Variants in PTPRD observed in about 807,000 individuals in gnomAD.
The protein encoded by PTPRD is receptor-type tyrosine-protein phosphatase delta.
A neutral mutation model predicts 214.5 loss-of-function variants in PTPRD; 34 were observed. The ratio of observed to expected loss-of-function variants is 0.16; its 90% CI spans 0.12 to 0.21. PTPRD has a LOEUF of 0.21. Ranked by LOEUF, PTPRD falls within the 10% of genes least tolerant of loss-of-function variation. The probability of loss-of-function intolerance (pLI) is 1.00; values close to 1 mark genes in which losing one functional copy is unlikely to be tolerated. For synonymous variants in PTPRD, 1,128 were observed against 845.7 expected (o/e 1.33, Z -5.79); for missense variants, 2,545 against 2,398.7 (o/e 1.06, Z -1.27).
intron 3 of PTPRD, among the ~76,000 whole-genome samples, chr9:10,118,945 G>A (rs2098753087): frequency 6.6e-6 from 1 of 151,488 alleles, no homozygotes; most frequent in Non-Finnish European, 1.5e-5. Flanking sequence ...GCTTGAAAGA[G>A]ATACATAGAA....
intron 2 of PTPRD, among the ~76,000 whole-genome samples, chr9:10,400,696 C>A (rs2098255396): frequency 1.3e-5 from 2 of 150,336 alleles, no homozygotes; most frequent in South Asian, 4.1e-4. Flanking sequence ...TAATAATAAT[C>A]AGAGTAATTT....
intron 8 of PTPRD, among the ~76,000 whole-genome samples, chr9:9,500,972 C>T (rs1387785661): frequency 2.0e-5 from 3 of 151,496 alleles, no homozygotes; most frequent in Non-Finnish European, 4.4e-5. Flanking sequence ...TATTATAATC[C>T]CTAGAGCAAC....
intron 2 of PTPRD, among the ~76,000 whole-genome samples, chr9:10,402,946 C>T (rs896756478): frequency 6.6e-6 from 1 of 151,400 alleles, no homozygotes; most frequent in Non-Finnish European, 1.5e-5. Flanking sequence ...GCTTCTTTCG[C>T]TTTTCACCGC....
intron 10 of PTPRD, among the ~76,000 whole-genome samples, chr9:9,108,945 T>G (rs2099802426): frequency 6.6e-6 from 1 of 152,176 alleles, no homozygotes; most frequent in Non-Finnish European, 1.5e-5. Flanking sequence ...GAGATACGAC[T>G]GGCATCTCAT....
At chr9:8,600,305 C>T (rs1311638214) in intron 14 of PTPRD, among the ~76,000 whole-genome samples, 6 of 152,150 alleles carry the variant, frequency 3.9e-5, no homozygotes, top group African/African-American at 9.6e-5. Flanking sequence ...CACTCTGAGG[C>T]CGTATGTGAA....
At chr9:10,100,405 A>C (rs573474233) in intron 3 of PTPRD, among the ~76,000 whole-genome samples, 1 of 151,630 alleles carries the variant, frequency 6.6e-6, no homozygotes, top group Non-Finnish European at 1.5e-5. Flanking sequence ...TGCAAAGCCT[A>C]CTCTCTTAGA....
At chr9:10,097,420 G>A (rs1268818589) in intron 3 of PTPRD, among the ~76,000 whole-genome samples, 6 of 149,984 alleles carry the variant, frequency 4.0e-5, no homozygotes, top group Non-Finnish European at 8.9e-5. Flanking sequence ...TCCTTGAGCA[G>A]TGTTTTGTAG....
At chr9:9,740,875 T>C (rs1428620288) in intron 6 of PTPRD, among the ~76,000 whole-genome samples, 1 of 152,158 alleles carries the variant, frequency 6.6e-6, no homozygotes, top group Admixed American at 6.5e-5. Flanking sequence ...GAATACATAT[T>C]CTAAACAGAG....
rs568971121 is a variant in PTPRD, at chr9:9,082,227, A to AT, written c.-142-63493_-142-63492insA. On this transcript the variant is annotated intron_variant, in intron 10 of 45. Transcript: ENST00000381196. ...TCCTCAATAAAATACTGGCAAACCG[A>AT]ATCCAGCAGCACATCAAAAAGCTTA... 3.3e-3 allele frequency among the ~76,000 whole-genome samples: 498 copies of AT among 152,252 alleles called. 3 individuals carry two copies. The highest frequency in any genetic ancestry group is 8.3e-3 in the South Asian group (40 of 4,826).
intron 11 of PTPRD, among the ~76,000 whole-genome samples, chr9:8,784,797 A>ATGTC (rs2095871254): frequency 1.8e-4 from 28 of 152,192 alleles, no homozygotes; most frequent in Admixed American, 1.8e-3. Context: ...TGCTACTAAA[A>ATGTC]AGTTTGAAAA....
chr9:9,930,601 TATA>T (rs2086147345), intron 5 of PTPRD, among the ~76,000 whole-genome samples: 1 of 152,174 alleles, frequency 6.6e-6, no homozygotes, highest in Admixed American at 6.5e-5. Context: ...ATTGTGATTA[TATA>T]ATGTAATTTT....
chr9:9,818,019 A>G (rs558979388), intron 5 of PTPRD, among the ~76,000 whole-genome samples: 1 of 152,268 alleles, frequency 6.6e-6, no homozygotes, highest in African/African-American at 2.4e-5. Context: ...TCTTGGGGAA[A>G]GAAGTTAATA....
chr9:8,942,037 C>A (rs954063763), intron 11 of PTPRD, among the ~76,000 whole-genome samples: 4 of 152,116 alleles, frequency 2.6e-5, no homozygotes, highest in African/African-American at 4.8e-5. Flanking sequence ...AATTCATGAC[C>A]TCAGGTGATC....
intron 9 of PTPRD, among the ~76,000 whole-genome samples, chr9:9,370,307 T>C (rs1236343316): frequency 6.6e-6 from 1 of 152,120 alleles, no homozygotes; most frequent in Non-Finnish European, 1.5e-5. Flanking sequence ...TTTGTAGTTC[T>C]CCTTGAAGAG....
At chr9:8,472,603 CAT>C (rs1555081852) in intron 30 of PTPRD, among the ~76,000 whole-genome samples, 3 of 152,120 alleles carry the variant, frequency 2.0e-5, no homozygotes, top group Non-Finnish European at 4.4e-5. Context: ...ATGTAAAAGA[CAT>C]ATTGCATTTC....
intron 10 of PTPRD, among the ~76,000 whole-genome samples, chr9:9,149,222 C>A (rs1443815853): frequency 6.6e-6 from 1 of 152,158 alleles, no homozygotes; most frequent in Non-Finnish European, 1.5e-5. Context: ...TACCTCGTAG[C>A]CTTACTGCAA....
At chr9:9,753,135 T>A (rs1343695543) in intron 6 of PTPRD, among the ~76,000 whole-genome samples, 3 of 152,076 alleles carry the variant, frequency 2.0e-5, no homozygotes, top group Non-Finnish European at 2.9e-5. Context: ...TGGTTTATTA[T>A]TTTATATTTT....
intron 4 of PTPRD, among the ~76,000 whole-genome samples, chr9:10,004,724 C>CATTTTAT (rs1441380372): frequency 3.8e-4 from 58 of 151,986 alleles, no homozygotes; most frequent in African/African-American, 1.3e-3. Flanking sequence ...TTATAAACAC[C>CATTTTAT]AAACTTTATA....
chr9:10,053,637 G>T (rs2097572282), intron 3 of PTPRD, among the ~76,000 whole-genome samples: 1 of 152,108 alleles, frequency 6.6e-6, no homozygotes, highest in Non-Finnish European at 1.5e-5. Flanking sequence ...GAGGTTTTCA[G>T]GCAATATCTT....
Sources: gnomAD v4.1 joint callset for allele counts (sites outside exome capture counted in the v4.1 genomes callset) on GRCh38, gnomAD v4.1.1 for gene constraint, MANE v1.5 for transcripts, NCBI Gene and HGNC (gene_info 2026-07-23, HGNC 2026-07-21) for gene names.